The following MAFK variants were observed in gnomAD, a reference collection of about 807,000 sequenced individuals.
MAFK encodes the protein transcription factor MafK.
MAFK carries 1 observed loss-of-function variant against 9.2 expected under a neutral mutation model. The observed-to-expected ratio is 0.11, with a 90% CI of 0.04 to 0.52. The LOEUF is 0.52. MAFK is among the 20% of genes least tolerant of loss of function. The probability of loss-of-function intolerance (pLI) is 0.94; values close to 1 mark genes in which losing one functional copy is unlikely to be tolerated. For missense variants in MAFK, 207 were observed against 236.0 expected, an observed-to-expected ratio of 0.88 and a Z score of 0.81; for synonymous variants, 110 against 107.4, an observed-to-expected ratio of 1.02 and a Z score of -0.15.
At chr7:1,537,242 C>A (rs1206969338) in intron 1 of MAFK, 1 of 350,308 alleles carries the variant, frequency 2.9e-6, no homozygotes, top group Non-Finnish European at 4.0e-6. Flanking sequence ...CCGGACCTTC[C>A]TTTTCCGCCC....
At chr7:1,538,341 C>T (rs1252732001) in intron 1 of MAFK, 8 of 984,720 alleles carry the variant, frequency 8.1e-6, no homozygotes, top group Middle Eastern at 5.2e-4. Flanking sequence ...TCTCTGGCTG[C>T]GGCCCCCGGA....
intron 1 of MAFK, chr7:1,537,495 TC>T (rs1360129191): frequency 1.0e-6 from 1 of 985,344 alleles, no homozygotes; most frequent in African/African-American, 1.7e-5. Flanking sequence ...CATTTGCAGG[TC>T]CCCACGGTGG....
Position 1,541,793 on chromosome 7 carries a change from C to T in MAFK, c.*1418C>T, listed in dbSNP as rs538214080. On this transcript the variant is annotated 3_prime_UTR_variant, in exon 3 of 3. Coordinates refer to ENST00000343242, the MANE Select transcript of MAFK (RefSeq NM_002360.4). ...CTTGGGCTTCCTTTTCCTGGAGAGC[C>T]GCCTTGAGGGTCCCTCCTGTGACTG... 36 of 152,136 alleles carry T rather than the reference C, an allele frequency of 2.4e-4. No homozygotes were observed. Among genetic ancestry groups the T allele is most frequent in the Middle Eastern group, 3.2e-3 (1 of 316 alleles). 9.4% of individuals were successfully genotyped at this position (152,136 alleles called of 1,614,324 possible).
chr7:1,534,920 A>G lies in MAFK; in HGVS notation c.-45+4022A>G, dbSNP rs1783992746. 1.3e-5 allele frequency among the ~76,000 whole-genome samples: 2 copies of G among 151,008 alleles called. No homozygotes were observed. The highest frequency in any genetic ancestry group is 1.9e-4 in the East Asian group (1 of 5,138). On this transcript the variant is annotated intron_variant, in intron 1 of 2. Transcript: ENST00000343242. This position sits in a 1 kb window ranked among gnomAD's most constrained non-coding sequence, Gnocchi z 4.3. ...TGCACTCTCTCTTTTTTTTTTTCCTAAAAGATAAGGTCTTGCCCTGTCACT... is the reference window on the plus strand; with the variant it reads ...TGCACTCTCTCTTTTTTTTTTTCCTGAAAGATAAGGTCTTGCCCTGTCACT...
At position 1,540,480 on chromosome 7, in the gene MAFK, C is replaced by A; in HGVS notation, c.*105C>A. 8.7e-7 allele frequency: 1 copy of A among 1,146,412 alleles called. No individual in the cohort carries two copies. Among genetic ancestry groups the A allele is most frequent in the Non-Finnish European group, 1.2e-6 (1 of 830,088 alleles). The allele number at this position is 1,146,412 out of a possible 1,614,324, so 71.0% of individuals were successfully genotyped here. ...GATGCAGACTCTCGACATCCGAGTC[C>A]AAGCGCAGGCCCCTCGGGCGCAGGC... On this transcript the variant is annotated 3_prime_UTR_variant, in exon 3 of 3. Coordinates refer to ENST00000343242, the MANE Select transcript of MAFK (RefSeq NM_002360.4).
rs200202267 is a variant in MAFK, at chr7:1,539,181, C to G, written c.-12C>G. On this transcript the variant is annotated 5_prime_UTR_variant, in exon 2 of 3. Transcript: ENST00000343242. ...TTCCAGGGAGCTCTGTCCTGGTGAC[C>G]GTGCCCGGGTTATGACGACTAATCC... 1.2e-6 allele frequency: 2 copies of G among 1,612,968 alleles called. No individual in the cohort carries two copies. The highest frequency in any genetic ancestry group is 2.2e-5 in the East Asian group (1 of 44,826).
In MAFK at chr7:1,537,355, C is replaced by A. The variant is rs1004587617; in HGVS notation, c.-44-1794C>A. The A allele has an allele frequency of 3.0e-6, 3 of 984,554 alleles. No individual in the cohort carries two copies. The East Asian group carries it at 3.4e-4, about 112-fold the overall frequency. The allele number at this position is 984,554 out of a possible 1,614,324, so 61.0% of individuals were successfully genotyped here. A position where few individuals can be genotyped will look rare whatever the true frequency, so the allele number is the denominator to read the frequency against. On this transcript the variant is annotated intron_variant, in intron 1 of 2. Coordinates refer to ENST00000343242, the MANE Select transcript of MAFK (RefSeq NM_002360.4). ...GGAATGCGCGCGGCTCTGTAAACATCTGGTGACTCACCGCATAGCTATGTC... is the reference window on the plus strand; with the variant it reads ...GGAATGCGCGCGGCTCTGTAAACATATGGTGACTCACCGCATAGCTATGTC...
intron 1 of MAFK, chr7:1,537,745 G>A (rs1562545667): frequency 3.1e-6 from 3 of 971,660 alleles, no homozygotes; most frequent in East Asian, 2.3e-4. Flanking sequence ...CGGGGGTGGG[G>A]CCCCCATCGG....
rs1202514190 is a variant in MAFK at position 1,534,803 on chromosome 7, G to A, written c.-45+3905G>A. 1.1e-5 allele frequency: 4 copies of A among 358,002 alleles called. No homozygotes were observed. The East Asian group carries it at 3.0e-4, about 27-fold the overall frequency. The allele number at this position is 358,002 out of a possible 1,614,324, so 22.2% of individuals were successfully genotyped here. On this transcript the variant is annotated intron_variant, in intron 1 of 2. Coordinates refer to ENST00000343242, the MANE Select transcript of MAFK (RefSeq NM_002360.4). The surrounding 1 kb of genome is among the most constrained non-coding windows in gnomAD (Gnocchi z 4.3). ...GTCCTCTCATCTGGGAAGAATCAGA[G>A]CCCCAAAGCTGAAATCCCCGTTTCT...
chr7:1,539,007 C>G, intron 1 of MAFK, 142 bp from the exon 2 acceptor site: 1 of 683,508 alleles, frequency 1.5e-6, no homozygotes, highest in Non-Finnish European at 2.6e-6. Flanking sequence ...GGGCTGGGCC[C>G]GGATGGTGCC....
At position 1,540,495 on chromosome 7, in the gene MAFK, C is replaced by CG; in HGVS notation, c.*123dup. 2.0e-6 allele frequency: 2 copies of CG among 1,020,192 alleles called. No homozygotes were observed. Among genetic ancestry groups the CG allele is most frequent in the Non-Finnish European group, 2.8e-6 (2 of 718,634 alleles). The allele number at this position is 1,020,192 out of a possible 1,614,324, so 63.2% of individuals were successfully genotyped here. A position where few individuals can be genotyped will look rare whatever the true frequency, so the allele number is the denominator to read the frequency against. ...CATCCGAGTCCAAGCGCAGGCCCCT[C>CG]GGGCGCAGGCAGCTCACACCAGGAA... On this transcript the variant is annotated 3_prime_UTR_variant, in exon 3 of 3. Coordinates refer to ENST00000343242, the MANE Select transcript of MAFK (RefSeq NM_002360.4).
intron 1 of MAFK, among the ~76,000 whole-genome samples, chr7:1,533,037 A>G (rs560238506): frequency 1.3e-5 from 2 of 152,288 alleles, no homozygotes; most frequent in East Asian, 3.9e-4. Flanking sequence ...GCTTTCCTAC[A>G]GTTTCAGGAA....
Position 1,541,975 on chromosome 7 carries a change from C to T in MAFK, c.*1600C>T, listed in dbSNP as rs928197319. On this transcript the variant is annotated 3_prime_UTR_variant, in exon 3 of 3. Coordinates refer to ENST00000343242, the MANE Select transcript of MAFK (RefSeq NM_002360.4). ...CTGCCCCTGCCCACCCAGTAACAGC[C>T]CCCACCAGCTACAGAGCCCAGGCGG... 2 of 152,316 alleles carry T rather than the reference C, an allele frequency of 1.3e-5. No individual in the cohort carries two copies. The highest frequency in any genetic ancestry group is 2.9e-5 in the Non-Finnish European group (2 of 68,116). The allele number at this position is 152,316 out of a possible 1,614,324, so 9.4% of individuals were successfully genotyped here. A position where few individuals can be genotyped will look rare whatever the true frequency, so the allele number is the denominator to read the frequency against.
chr7:1,533,200 G>A (rs768998191), intron 1 of MAFK, among the ~76,000 whole-genome samples: 1 of 152,234 alleles, frequency 6.6e-6, no homozygotes, highest in Non-Finnish European at 1.5e-5. Context: ...GGGGTCTGGT[G>A]TAGAGCCTTC....
chr7:1,531,736 G>A (rs537804651), intron 1 of MAFK, among the ~76,000 whole-genome samples: 193 of 131,760 alleles, frequency 1.5e-3, no homozygotes, highest in Admixed American at 2.5e-3. Context: ...GGGACCAGGC[G>A]CCACCGAGAA....
rs62435358 is a variant in MAFK at position 1,534,950 on chromosome 7, C to G, written c.-45+4052C>G. On this transcript the variant is annotated intron_variant, in intron 1 of 2. Coordinates refer to ENST00000343242, the MANE Select transcript of MAFK (RefSeq NM_002360.4). The surrounding 1 kb of genome is among the most constrained non-coding windows in gnomAD (Gnocchi z 4.3). Reference sequence around the variant, plus strand: ...ATAAGGTCTTGCCCTGTCACTCAGGCTGCTGGAGTGCAGTGGTGTGATCAC... The same window carrying G: ...ATAAGGTCTTGCCCTGTCACTCAGGGTGCTGGAGTGCAGTGGTGTGATCAC... Among the ~76,000 whole-genome samples, 539 of 152,124 alleles carry G rather than the reference C, an allele frequency of 3.5e-3. 1 individual carries two copies. The highest frequency in any genetic ancestry group is 5.9e-3 in the Non-Finnish European group (402 of 67,980).
chr7:1,540,453 G>C lies in MAFK; in HGVS notation c.*78G>C. On this transcript the variant is annotated 3_prime_UTR_variant, in exon 3 of 3. Transcript: ENST00000343242. Reference sequence around the variant, plus strand: ...GGGCACACCCCTCGTACCTGTCACTGGGATGCAGACTCTCGACATCCGAGT... The same window carrying C: ...GGGCACACCCCTCGTACCTGTCACTCGGATGCAGACTCTCGACATCCGAGT... 3.8e-6 allele frequency: 5 copies of C among 1,301,418 alleles called. No homozygotes were observed. In the South Asian group the frequency reaches 7.7e-5, roughly 20 times the overall value. 80.6% of individuals were successfully genotyped at this position (1,301,418 alleles called of 1,614,324 possible). A position where few individuals can be genotyped will look rare whatever the true frequency, so the allele number is the denominator to read the frequency against.
rs1784216573 is a variant in MAFK at position 1,542,434 on chromosome 7, GGA to G, written c.*2060_*2061del. On this transcript the variant is annotated 3_prime_UTR_variant, in exon 3 of 3. Coordinates refer to ENST00000343242, the MANE Select transcript of MAFK (RefSeq NM_002360.4). ...CTGTACCAGGCAGCTGGGCCCCGCAGGACAGGCCGCAGCGGGTGGCCGGTTCT... is the reference window on the plus strand; with the variant it reads ...CTGTACCAGGCAGCTGGGCCCCGCAGCAGGCCGCAGCGGGTGGCCGGTTCT... 1 of 152,412 alleles carries G rather than the reference GGA, an allele frequency of 6.6e-6. No individual in the cohort carries two copies. Among genetic ancestry groups the G allele is most frequent in the Admixed American group, 6.5e-5 (1 of 15,282 alleles). The allele number at this position is 152,412 out of a possible 1,614,324, so 9.4% of individuals were successfully genotyped here. A position where few individuals can be genotyped will look rare whatever the true frequency, so the allele number is the denominator to read the frequency against.
In MAFK at chr7:1,530,830, G is replaced by A. The variant is rs1433378241; in HGVS notation, c.-113G>A. On this transcript the variant is annotated 5_prime_UTR_variant, in exon 1 of 3. Transcript: ENST00000343242. ...GCGGCCGAGGGGAGCGCGACAGTGA[G>A]CGCCGGCGCGAGGACAGCGCGTGCC... 2.0e-5 allele frequency: 3 copies of A among 147,890 alleles called. No homozygotes were observed. The highest frequency in any genetic ancestry group is 1.8e-4 in the South Asian group (1 of 5,632). 9.2% of individuals were successfully genotyped at this position (147,890 alleles called of 1,614,324 possible).
Sources: allele counts gnomAD v4.1 joint callset (sites outside exome capture counted in the v4.1 genomes callset), GRCh38; gene constraint gnomAD v4.1.1; non-coding constraint Gnocchi (gnomAD v3.1); transcripts MANE v1.5; gene names NCBI Gene and HGNC (gene_info 2026-07-23, HGNC 2026-07-21).